Variants in CACNA1C observed in about 807,000 individuals in gnomAD.
CACNA1C encodes calcium voltage-gated channel subunit alpha1 C.
A neutral mutation model predicts 229.0 loss-of-function variants in CACNA1C; 30 were observed. The ratio of observed to expected loss-of-function variants is 0.13; its 90% CI spans 0.10 to 0.18. The LOEUF (loss-of-function observed/expected upper bound fraction) is 0.18, where lower values mean the gene tolerates loss of function less well. Among genes scored for constraint, CACNA1C ranks in the 10% least tolerant of loss-of-function variants. The probability of loss-of-function intolerance (pLI) is 1.00; values close to 1 mark genes in which losing one functional copy is unlikely to be tolerated. For missense variants in CACNA1C, 1,658 were observed against 2,845.0 expected (o/e 0.58, Z 9.49); for synonymous variants, 1,114 against 1,132.5 (o/e 0.98, Z 0.33).
intron 3 of CACNA1C, among the ~76,000 whole-genome samples, chr12:2,412,038 G>A (rs933303889): frequency 7.2e-5 from 11 of 151,798 alleles, no homozygotes; most frequent in Non-Finnish European, 1.2e-4. Context: ...GGCTCCCCAC[G>A]CCCAAGACCC....
chr12:2,542,074 G>A (rs1038519286), intron 9 of CACNA1C, among the ~76,000 whole-genome samples: 3 of 152,136 alleles, frequency 2.0e-5, no homozygotes, highest in South Asian at 2.1e-4. Flanking sequence ...GTACAGCAGC[G>A]GGCACCAAAG....
chr12:2,687,527 G>A (rs867822923), intron 45 of CACNA1C, among the ~76,000 whole-genome samples: 3 of 150,674 alleles, frequency 2.0e-5, no homozygotes, highest in Non-Finnish European at 4.4e-5. Flanking sequence ...GACAGAGGGC[G>A]TACCGTGTGA....
At chr12:2,650,699 C>T (rs916605790) in intron 31 of CACNA1C, among the ~76,000 whole-genome samples, 7 of 152,166 alleles carry the variant, frequency 4.6e-5, no homozygotes, top group South Asian at 2.1e-4. Context: ...GGCATGTGCC[C>T]AAGCCCCCAG....
At chr12:2,515,731 G>C (rs886338229) in intron 9 of CACNA1C, among the ~76,000 whole-genome samples, 1 of 152,160 alleles carries the variant, frequency 6.6e-6, no homozygotes, top group South Asian at 2.1e-4. Context: ...CAGGGATTCT[G>C]TTTCCTTAGG....
chr12:2,080,272 C>CAAAAACAAAA (rs111383644), intron 1 of CACNA1C, among the ~76,000 whole-genome samples: 26 of 150,608 alleles, frequency 1.7e-4, no homozygotes, highest in South Asian at 8.4e-4. Context: ...AAACAAAAAA[C>CAAAAACAAAA]AAAAACAAAA....
chr12:2,587,806 G>C (rs1568605451), intron 18 of CACNA1C, among the ~76,000 whole-genome samples: 1 of 152,066 alleles, frequency 6.6e-6, no homozygotes, highest in Non-Finnish European at 1.5e-5. Flanking sequence ...TTGGTTACAT[G>C]TGTCTCTTTA....
intron 3 of CACNA1C, among the ~76,000 whole-genome samples, chr12:2,271,736 A>C (rs1270789843): frequency 6.8e-6 from 1 of 146,316 alleles, no homozygotes; most frequent in Non-Finnish European, 1.5e-5. Flanking sequence ...CCATCTCTAC[A>C]AAAAAAAAAA....
intron 3 of CACNA1C, among the ~76,000 whole-genome samples, chr12:2,389,311 G>GGTCAGAGCACACTGTGCCAA (rs1567399217): frequency 1.3e-5 from 2 of 152,084 alleles, no homozygotes; most frequent in African/African-American, 4.8e-5. Flanking sequence ...CTGAGGCAGA[G>GGTCAGAGCACACTGTGCCAA]GTCAGAGCAC....
chr12:2,113,888 A>G (rs991996946), intron 1 of CACNA1C, among the ~76,000 whole-genome samples: 1 of 152,214 alleles, frequency 6.6e-6, no homozygotes, highest in Admixed American at 6.5e-5. Context: ...TTCGTTGCCT[A>G]GACACCAGAG....
Position 2,651,495 on chromosome 12 carries a change from C to T in CACNA1C, c.3946-145C>T. 8.1e-7 allele frequency: 1 copy of T among 1,239,516 alleles called. No homozygotes were observed. The highest frequency in any genetic ancestry group is 1.3e-5 in the South Asian group (1 of 77,286). The allele number at this position is 1,239,516 out of a possible 1,614,324, so 76.8% of individuals were successfully genotyped here. A position where few individuals can be genotyped will look rare whatever the true frequency, so the allele number is the denominator to read the frequency against. Reference sequence around the variant, plus strand: ...ACTCATTAAAGTGGGCGGCCGCCCTCCCATCGGAGGGGGAAGTCTAGTGCA... The same window carrying T: ...ACTCATTAAAGTGGGCGGCCGCCCTTCCATCGGAGGGGGAAGTCTAGTGCA... On this transcript the variant is annotated intron_variant, in intron 31 of 46. Coordinates refer to ENST00000399655, the MANE Select transcript of CACNA1C (RefSeq NM_000719.7). The surrounding 1 kb of genome is among the most constrained non-coding windows in gnomAD (Gnocchi z 5.4).
intron 6 of CACNA1C, among the ~76,000 whole-genome samples, chr12:2,490,932 C>T (rs2099723664): frequency 6.6e-6 from 1 of 152,090 alleles, no homozygotes; most frequent in Non-Finnish European, 1.5e-5. Flanking sequence ...AAGCACTGGC[C>T]CAAGAATAAG....
intron 3 of CACNA1C, among the ~76,000 whole-genome samples, chr12:2,158,811 C>T (rs1024754866): frequency 2.6e-5 from 4 of 152,150 alleles, no homozygotes; most frequent in African/African-American, 9.7e-5. Flanking sequence ...AGTTCTTCAC[C>T]ATGAGGAGGG....
chr12:2,017,931 G>T (rs2045679123), intron 1 of CACNA1C, among the ~76,000 whole-genome samples: 1 of 152,156 alleles, frequency 6.6e-6, no homozygotes, highest in South Asian at 2.1e-4. Context: ...CTTCTACACG[G>T]ACTCAACACA....
At chr12:2,218,073 C>T (rs1156405412) in intron 3 of CACNA1C, among the ~76,000 whole-genome samples, 2 of 152,150 alleles carry the variant, frequency 1.3e-5, no homozygotes, top group South Asian at 2.1e-4. Flanking sequence ...GTGCTGTGAC[C>T]TTGGCAACAC....
At chr12:2,160,349 C>A (rs1211129063) in intron 3 of CACNA1C, among the ~76,000 whole-genome samples, 2 of 152,176 alleles carry the variant, frequency 1.3e-5, no homozygotes. Context: ...GTAACTGTGA[C>A]ATGTACTCAC....
At chr12:2,396,182 C>T (rs140243345) in intron 3 of CACNA1C, among the ~76,000 whole-genome samples, 15 of 152,182 alleles carry the variant, frequency 9.9e-5, no homozygotes, top group African/African-American at 3.6e-4. Flanking sequence ...TGGGTTATTT[C>T]CTGGGGTTCT....
At chr12:1,999,130 T>A (rs1339256443) in intron 1 of CACNA1C, among the ~76,000 whole-genome samples, 1 of 152,226 alleles carries the variant, frequency 6.6e-6, no homozygotes, top group Non-Finnish European at 1.5e-5. Context: ...CTTGGGCTCC[T>A]GCCCAAACCT....
At position 2,259,953 on chromosome 12, in the gene CACNA1C, C is replaced by T. The variant is rs560040151; in HGVS notation, c.477+139523C>T. 1.6e-3 allele frequency among the ~76,000 whole-genome samples: 239 copies of T among 152,132 alleles called. 2 individuals are homozygous for T. The highest frequency in any genetic ancestry group is 5.4e-3 in the African/African-American group (224 of 41,518). On this transcript the variant is annotated intron_variant, in intron 3 of 46. Transcript: ENST00000399655. Reference sequence around the variant, plus strand: ...AGTAATAGCTTTGTGAGCTAAGTCCCGCTTTCTTGGGTGTTCTCATGGTCA... The same window carrying T: ...AGTAATAGCTTTGTGAGCTAAGTCCTGCTTTCTTGGGTGTTCTCATGGTCA...
intron 3 of CACNA1C, among the ~76,000 whole-genome samples, chr12:2,330,220 C>T (rs1002493072): frequency 6.6e-6 from 1 of 152,146 alleles, no homozygotes; most frequent in Non-Finnish European, 1.5e-5. Flanking sequence ...TAGGTCAATG[C>T]CATGGGGCTT....
Sources: gnomAD v4.1 joint callset for allele counts (sites outside exome capture counted in the v4.1 genomes callset) on GRCh38, gnomAD v4.1.1 for gene constraint, Gnocchi (gnomAD v3.1) non-coding constraint, MANE v1.5 for transcripts, NCBI Gene and HGNC (gene_info 2026-07-23, HGNC 2026-07-21) for gene names.